DPP9: variants seen among roughly 807,000 people sequenced by gnomAD.
DPP9 encodes dipeptidyl peptidase IV-related protein-2.
In DPP9, 50 loss-of-function variants were observed where a neutral mutation model predicts 110.7. That is an observed-to-expected ratio of 0.45 (90% CI 0.36 to 0.57). DPP9 has a LOEUF of 0.57. Ranked by LOEUF, DPP9 falls within the 20% of genes least tolerant of loss-of-function variation. The pLI, the probability that DPP9 is intolerant of heterozygous loss-of-function variation, is 0.00. For synonymous variants in DPP9, 561 were observed against 514.4 expected (o/e 1.09, Z -1.23); for missense variants, 1,022 against 1,217.9 (o/e 0.84, Z 2.39).
intron 4 of DPP9, among the ~76,000 whole-genome samples, chr19:4,706,348 T>C (rs1456244401): frequency 7.4e-6 from 1 of 135,258 alleles, no homozygotes; most frequent in Non-Finnish European, 1.6e-5. Flanking sequence ...AAAAAAAGAA[T>C]AAAATAAAAG....
At position 4,694,480 on chromosome 19, in the gene DPP9, G is replaced by A; in HGVS notation, c.1516+181C>T. On this transcript the variant is annotated intron_variant, in intron 13 of 21. Transcript: ENST00000262960. This position sits in a 1 kb window ranked among gnomAD's most constrained non-coding sequence, Gnocchi z 4.0. ...CTGCTGCCTGAATAAGCCAACAGTT[G>A]GGTGCTCTAAGCCCTGCCAGATCAT... The A allele has an allele frequency of 1.4e-6, 1 of 737,754 alleles. No individual in the cohort carries two copies. The highest frequency in any genetic ancestry group is 2.2e-6 in the Non-Finnish European group (1 of 462,050). 45.7% of individuals were successfully genotyped at this position (737,754 alleles called of 1,614,324 possible).
intron 16 of DPP9, chr19:4,688,479 T>G (rs2145489795): frequency 2.7e-6 from 1 of 371,940 alleles, no homozygotes; most frequent in Admixed American, 4.7e-5. Context: ...GTCTCACTGG[T>G]TACCATTTTG....
Position 4,694,754 on chromosome 19 carries a change from C to T in DPP9, c.1423G>A (p.Glu475Lys). The change falls in exon 13 of 22, where the codon GAA becomes AAA. Residue 475 changes from glutamate to lysine, a missense_variant. Physicochemically the swap from Glu to Lys is moderately conservative, Grantham distance 56. Around this residue, in one of 3 missense-constraint regions of DPP9, gnomAD observed 810 missense variants for 920.6 expected, o/e 0.88. Coordinates refer to ENST00000262960, the MANE Select transcript of DPP9 (RefSeq NM_139159.5). The surrounding 1 kb of genome is among the most constrained non-coding windows in gnomAD (Gnocchi z 4.0). Reference sequence around the variant, plus strand: ...AAATGGCAGAAGCCGGTCTTGCATTCATTGGCGCGGAGAAAGCAGAGCTCG... The same window carrying T: ...AAATGGCAGAAGCCGGTCTTGCATTTATTGGCGCGGAGAAAGCAGAGCTCG... ...EDELCFLRANECKTGFCHLYK... is the reference protein window; with the variant it reads ...EDELCFLRANKCKTGFCHLYK... 1 of 1,613,930 alleles carries T rather than the reference C, an allele frequency of 6.2e-7. No individual in the cohort carries two copies. Among genetic ancestry groups the T allele is most frequent in the Non-Finnish European group, 8.5e-7 (1 of 1,179,866 alleles).
Position 4,676,516 on chromosome 19 carries a change from A to G in DPP9, c.*48T>C. 6.6e-7 allele frequency: 1 copy of G among 1,506,164 alleles called. No homozygotes were observed. Among genetic ancestry groups the G allele is most frequent in the Non-Finnish European group, 9.1e-7 (1 of 1,101,580 alleles). 93.3% of individuals were successfully genotyped at this position (1,506,164 alleles called of 1,614,324 possible). A position where few individuals can be genotyped will look rare whatever the true frequency, so the allele number is the denominator to read the frequency against. ...GTCCCTCCCGCCTGGTTCCCCGCGG[A>G]GGCTGCAGCCACTTGTGCTGTGATG... On this transcript the variant is annotated 3_prime_UTR_variant, in exon 22 of 22. Transcript: ENST00000262960. This position sits in a 1 kb window ranked among gnomAD's most constrained non-coding sequence, Gnocchi z 4.0.
chr19:4,708,412 C>T (rs542408304), intron 4 of DPP9, among the ~76,000 whole-genome samples: 2 of 152,310 alleles, frequency 1.3e-5, no homozygotes, highest in African/African-American at 4.8e-5. Flanking sequence ...CATCTGGGGA[C>T]GGTTCAGGGC....
rs745637814 is a variant in DPP9 at position 4,704,253 on chromosome 19, G to T, written c.478C>A (p.Arg160=). 6.2e-7 allele frequency: 1 copy of T among 1,613,806 alleles called. No individual in the cohort carries two copies. Among genetic ancestry groups the T allele is most frequent in the Admixed American group, 1.7e-5 (1 of 60,020 alleles). ...YSREEELLRE[R]KRLGVFGITS... is the part of the protein sequence containing the mutation. Reference sequence around the variant, plus strand: ...ATGCCGAAGACCCCCAGGCGTTTCCGCTCCCTCAGCAGCTCCTCCTCCCGA... The same window carrying T: ...ATGCCGAAGACCCCCAGGCGTTTCCTCTCCCTCAGCAGCTCCTCCTCCCGA... Residue 160 remains arginine, a synonymous_variant, in exon 6 of 22, where the codon CGG becomes AGG. Coordinates refer to ENST00000262960, the MANE Select transcript of DPP9 (RefSeq NM_139159.5). The surrounding 1 kb of genome is among the most constrained non-coding windows in gnomAD (Gnocchi z 6.0).
In DPP9 at chr19:4,689,432, A is replaced by G; in HGVS notation, c.1749+138T>C. On this transcript the variant is annotated intron_variant, in intron 15 of 21. Coordinates refer to ENST00000262960, the MANE Select transcript of DPP9 (RefSeq NM_139159.5). The surrounding 1 kb of genome is among the most constrained non-coding windows in gnomAD (Gnocchi z 7.0). ...CCCTACCCAGGAGGCAGGGGTGGGC[A>G]CTGCCTGCCCCAAGGCAGCTATGAG... 1 of 1,152,410 alleles carries G rather than the reference A, an allele frequency of 8.7e-7. No individual in the cohort carries two copies. The highest frequency in any genetic ancestry group is 1.2e-6 in the Non-Finnish European group (1 of 833,304). 71.4% of individuals were successfully genotyped at this position (1,152,410 alleles called of 1,614,324 possible).
At chr19:4,708,445 G>A (rs888068147) in intron 4 of DPP9, among the ~76,000 whole-genome samples, 11 of 152,198 alleles carry the variant, frequency 7.2e-5, no homozygotes, top group Non-Finnish European at 1.3e-4. Context: ...GAACTCCTCT[G>A]CTGCTGCTTT....
At position 4,676,855 on chromosome 19, in the gene DPP9, T is replaced by A. The variant is rs1198613398; in HGVS notation, c.2587-199A>T. Among the ~76,000 whole-genome samples the A allele has an allele frequency of 6.6e-6, 1 of 152,176 alleles. No individual in the cohort carries two copies. The highest frequency in any genetic ancestry group is 1.5e-5 in the Non-Finnish European group (1 of 68,016). On this transcript the variant is annotated intron_variant, in intron 21 of 21. Transcript: ENST00000262960. The surrounding 1 kb of genome is among the most constrained non-coding windows in gnomAD (Gnocchi z 4.0). ...CTAAAAAATGGGGTGAATCCGGACC[T>A]CACAGTCTTTGGGAGGATTTGGTAA...
intron 4 of DPP9, among the ~76,000 whole-genome samples, chr19:4,709,785 C>T (rs1242312209): frequency 1.4e-5 from 2 of 142,322 alleles, no homozygotes; most frequent in African/African-American, 5.0e-5. Context: ...ATGTGAATTA[C>T]ATCTCAATTT....
In DPP9 at chr19:4,714,272, C is replaced by A; in HGVS notation, c.122G>T (p.Gly41Val). Reference sequence around the variant, plus strand: ...CGGGTCATCTGTGGCGGCTGCGTCGCCTCGGTCGGCCGTTGGGGTCCCGGT... The same window carrying A: ...CGGGTCATCTGTGGCGGCTGCGTCGACTCGGTCGGCCGTTGGGGTCCCGGT... ...ATTGTPTADR[G>V]DAAATDDPAA... The change falls in exon 4 of 22, where the codon GGC (glycine) becomes GTC (valine). Residue 41 changes from glycine (G) to valine (V), a missense_variant. Physicochemically the swap from Gly to Val is moderately radical, Grantham distance 109 (BLOSUM62 -3). Transcript: ENST00000262960. The A allele has an allele frequency of 1.3e-6, 2 of 1,558,888 alleles. No individual in the cohort carries two copies. The highest frequency in any genetic ancestry group is 1.7e-6 in the Non-Finnish European group (2 of 1,154,948).
chr19:4,711,594 GA>G (rs2092831371), intron 4 of DPP9, among the ~76,000 whole-genome samples: 1 of 151,896 alleles, frequency 6.6e-6, no homozygotes. Flanking sequence ...CCAACATGGA[GA>G]AACCCTGCTT....
chr19:4,706,459 T>G (rs2145792922), intron 4 of DPP9, among the ~76,000 whole-genome samples: 1 of 152,158 alleles, frequency 6.6e-6, no homozygotes, highest in African/African-American at 2.4e-5. Context: ...CCAAGGCCCT[T>G]TATCAAGGCT....
intron 2 of DPP9, among the ~76,000 whole-genome samples, chr19:4,721,246 A>G (rs2093309481): frequency 6.6e-6 from 1 of 152,242 alleles, no homozygotes; most frequent in Admixed American, 6.5e-5. Context: ...TGCTGTGGGT[A>G]AGGGGGCACT....
rs1421768009 is a variant in DPP9 at position 4,702,794 on chromosome 19, G to T, written c.770-78C>A. ...GGGGACAGCCAGGGGCTCAAGGAGA[G>T]CATGAGAGAGAGGGAGAGAGAAGGA... On this transcript the variant is annotated intron_variant, in intron 7 of 21. Coordinates refer to ENST00000262960, the MANE Select transcript of DPP9 (RefSeq NM_139159.5). 1.6e-5 allele frequency: 11 copies of T among 683,144 alleles called. No homozygotes were observed. The Middle Eastern group carries it at 1.4e-3, about 85-fold the overall frequency. 42.3% of individuals were successfully genotyped at this position (683,144 alleles called of 1,614,324 possible).
rs1470953255 is a variant in DPP9, at chr19:4,684,779, T to C, written c.2062A>G (p.Ile688Val). 6.2e-7 allele frequency: 1 copy of C among 1,601,014 alleles called. No homozygotes were observed. The highest frequency in any genetic ancestry group is 1.3e-5 in the African/African-American group (1 of 74,784). Residue 688 changes from isoleucine (I) to valine (V), a missense_variant, in exon 18 of 22, where the codon ATC becomes GTC. Transcript: ENST00000262960. The surrounding 1 kb of genome is among the most constrained non-coding windows in gnomAD (Gnocchi z 4.8). ...VQLVNNSFKG[I>V]KYLRLNTLAS... is the part of the protein sequence containing the mutation. ...AGTGTGTTGAGCCGCAAGTACTTGATGCCTTTGAAGGAGTTATTCACCAGC... is the reference window on the plus strand; with the variant it reads ...AGTGTGTTGAGCCGCAAGTACTTGACGCCTTTGAAGGAGTTATTCACCAGC...
intron 4 of DPP9, among the ~76,000 whole-genome samples, chr19:4,707,430 C>T (rs1666255274): frequency 6.6e-6 from 1 of 152,024 alleles, no homozygotes; most frequent in South Asian, 2.1e-4. Flanking sequence ...ACTGAAAAAC[C>T]GGGACAGGGC....
intron 3 of DPP9, among the ~76,000 whole-genome samples, chr19:4,716,886 T>C (rs549318134): frequency 6.6e-6 from 1 of 151,888 alleles, no homozygotes; most frequent in Non-Finnish European, 1.5e-5. Flanking sequence ...AGTCACAGAG[T>C]GCAGCCCAGA....
Position 4,695,072 on chromosome 19 carries a change from G to T in DPP9, c.1354-249C>A, listed in dbSNP as rs1197771887. The T allele has an allele frequency of 1.7e-6, 1 of 594,484 alleles. No individual in the cohort carries two copies. 36.8% of individuals were successfully genotyped at this position (594,484 alleles called of 1,614,324 possible). On this transcript the variant is annotated intron_variant, in intron 12 of 21. Coordinates refer to ENST00000262960, the MANE Select transcript of DPP9 (RefSeq NM_139159.5). This position sits in a 1 kb window ranked among gnomAD's most constrained non-coding sequence, Gnocchi z 4.7. Reference sequence around the variant, plus strand: ...AGGCTGAGGTGGGAGGATCACTTAGGCCCAGGAGGTCAAGGCTGCAGTGAG... The same window carrying T: ...AGGCTGAGGTGGGAGGATCACTTAGTCCCAGGAGGTCAAGGCTGCAGTGAG...
Sources: gnomAD v4.1 joint callset for allele counts (sites outside exome capture counted in the v4.1 genomes callset) on GRCh38, gnomAD v4.1.1 for gene constraint, gnomAD v4.1.1 regional missense constraint, Gnocchi (gnomAD v3.1) non-coding constraint, MANE v1.5 for transcripts, NCBI Gene and HGNC (gene_info 2026-07-23, HGNC 2026-07-21) for gene names.